AKAP13: variants seen among roughly 807,000 people sequenced by gnomAD.
AKAP13 encodes A-kinase anchoring protein 13, also known as A-kinase anchor protein 13.
A neutral mutation model predicts 264.5 loss-of-function variants in AKAP13; 80 were observed. The observed-to-expected ratio is 0.30, with a 90% CI of 0.25 to 0.36. The LOEUF (loss-of-function observed/expected upper bound fraction) is 0.36, where lower values mean the gene tolerates loss of function less well. Ranked by LOEUF, AKAP13 falls within the 10% of genes least tolerant of loss-of-function variation. AKAP13 has a pLI of 1.00. For synonymous variants in AKAP13, 1,380 were observed against 1,250.2 expected (o/e 1.10, Z -2.19); for missense variants, 3,712 against 3,435.2 (o/e 1.08, Z -2.01).
At chr15:85,636,789 A>G (rs1389444235) in intron 8 of AKAP13, among the ~76,000 whole-genome samples, 4 of 151,686 alleles carry the variant, frequency 2.6e-5, no homozygotes, top group African/African-American at 9.7e-5. Context: ...TGATTTTTGT[A>G]TTTTCAGTAG....
At chr15:85,682,851 G>A (rs2084672225) in intron 15 of AKAP13, among the ~76,000 whole-genome samples, 1 of 152,060 alleles carries the variant, frequency 6.6e-6, no homozygotes, top group Non-Finnish European at 1.5e-5. Flanking sequence ...ATTTTTAGTA[G>A]GGATGGGGTT....
In AKAP13 at chr15:85,502,200, A is replaced by G. The variant is rs1596348702; in HGVS notation, c.33+16447A>G. On this transcript the variant is annotated intron_variant, in intron 2 of 36. Coordinates refer to ENST00000394518, the MANE Select transcript of AKAP13 (RefSeq NM_007200.5). ...AGAAAGTGTATGTGCTTAGGAGTCA[A>G]GTAGACACAGCTTTACATTCCTGCC... 2.6e-5 allele frequency among the ~76,000 whole-genome samples: 4 copies of G among 152,328 alleles called. 1 individual carries two copies. The Middle Eastern group carries it at 0.014, about 518-fold the overall frequency.
At chr15:85,685,757 C>T (rs1483282414) in intron 16 of AKAP13, among the ~76,000 whole-genome samples, 1 of 151,974 alleles carries the variant, frequency 6.6e-6, no homozygotes, top group African/African-American at 2.4e-5. Context: ...CTTCCGAAGC[C>T]CTGGGTGTGA....
intron 13 of AKAP13, among the ~76,000 whole-genome samples, chr15:85,665,774 C>T (rs143822906): frequency 6.0e-4 from 91 of 152,186 alleles, no homozygotes; most frequent in African/African-American, 2.0e-3. Context: ...TGAGAACATG[C>T]GGTGTTTGGT....
At chr15:85,396,868 G>C (rs2071137983) in intron 1 of AKAP13, among the ~76,000 whole-genome samples, 2 of 142,864 alleles carry the variant, frequency 1.4e-5, no homozygotes, top group African/African-American at 5.2e-5. Flanking sequence ...TTACTGATCT[G>C]TGCAGTTTTT....
At chr15:85,652,475 TTG>T (rs2082901427) in intron 10 of AKAP13, among the ~76,000 whole-genome samples, 1 of 152,240 alleles carries the variant, frequency 6.6e-6, no homozygotes, top group South Asian at 2.1e-4. Context: ...GAAGTCTTTT[TTG>T]TGTGTTTTAG....
At chr15:85,583,502 G>T (rs951695232) in intron 7 of AKAP13, among the ~76,000 whole-genome samples, 2 of 152,146 alleles carry the variant, frequency 1.3e-5, no homozygotes, top group African/African-American at 4.8e-5. Context: ...GGATTTAAAT[G>T]AGGTCTCTAA....
chr15:85,536,569 C>T (rs1184532622), intron 4 of AKAP13: 1 of 152,178 alleles, frequency 6.6e-6, no homozygotes, highest in Non-Finnish European at 1.5e-5. Flanking sequence ...CTGGAAATAA[C>T]CCAGATTTCC....
chr15:85,520,795 T>G, intron 2 of AKAP13: 1 of 496,064 alleles, frequency 2.0e-6, no homozygotes, highest in African/African-American at 2.0e-5. Context: ...TTCTGAGAAA[T>G]GTGGTATTAG....
At chr15:85,411,990 A>G (rs7169186) in intron 1 of AKAP13, among the ~76,000 whole-genome samples, 1 of 151,978 alleles carries the variant, frequency 6.6e-6, no homozygotes, top group Non-Finnish European at 1.5e-5. Context: ...TTTATGAGTA[A>G]AGTAATGATA....
intron 1 of AKAP13, among the ~76,000 whole-genome samples, chr15:85,421,969 C>T (rs1250201714): frequency 1.3e-5 from 2 of 152,190 alleles, no homozygotes; most frequent in Non-Finnish European, 2.9e-5. Flanking sequence ...AACTCACTGC[C>T]TGGCACTTAA....
At chr15:85,390,467 T>G (rs1019935516) in intron 1 of AKAP13, among the ~76,000 whole-genome samples, 4 of 151,932 alleles carry the variant, frequency 2.6e-5, no homozygotes, top group Admixed American at 2.0e-4. Flanking sequence ...CTGGAATGGG[T>G]GAGAAAGAGC....
At chr15:85,486,462 T>G (rs912874080) in intron 2 of AKAP13, among the ~76,000 whole-genome samples, 1 of 152,208 alleles carries the variant, frequency 6.6e-6, no homozygotes, top group African/African-American at 2.4e-5. Context: ...TTTTTTCTTT[T>G]GCATGTGGAT....
intron 8 of AKAP13, among the ~76,000 whole-genome samples, chr15:85,627,241 T>TA (rs1216155269): frequency 6.6e-6 from 1 of 152,154 alleles, no homozygotes; most frequent in Non-Finnish European, 1.5e-5. Context: ...TTGCAGGACA[T>TA]ATTGTTATTT....
At position 85,524,788 on chromosome 15, in the gene AKAP13, T is replaced by G. The variant is rs562460677; in HGVS notation, c.181+3213T>G. Among the ~76,000 whole-genome samples, 10 of 152,122 alleles carry G rather than the reference T, an allele frequency of 6.6e-5. No homozygotes were observed. In the East Asian group the frequency reaches 1.5e-3, roughly 24 times the overall value. ...CCCATCTCAGTTTTCTCTCTTTTTT[T>G]TGCGTGTTTTGTAATAAGTCCTACA... On this transcript the variant is annotated intron_variant, in intron 3 of 36. Coordinates refer to ENST00000394518, the MANE Select transcript of AKAP13 (RefSeq NM_007200.5).
At chr15:85,556,552 C>T (rs2078155666) in intron 5 of AKAP13, among the ~76,000 whole-genome samples, 1 of 152,176 alleles carries the variant, frequency 6.6e-6, no homozygotes, top group South Asian at 2.1e-4. Context: ...AGTGTTTTCT[C>T]ACCCCTCCAA....
chr15:85,520,498 CAAAAA>C (rs71468111), intron 2 of AKAP13, among the ~76,000 whole-genome samples: 1 of 71,294 alleles, frequency 1.4e-5, no homozygotes, highest in Non-Finnish European at 3.0e-5. Context: ...AACTCCGTCT[CAAAAA>C]AAAAAAAAAA....
At chr15:85,442,151 C>A (rs1355596591) in intron 1 of AKAP13, among the ~76,000 whole-genome samples, 1 of 151,794 alleles carries the variant, frequency 6.6e-6, no homozygotes, top group African/African-American at 2.4e-5. Flanking sequence ...GTGGCTCATG[C>A]CTGTAATCCC....
At chr15:85,495,646 A>G (rs372675936) in intron 2 of AKAP13, among the ~76,000 whole-genome samples, 35 of 152,210 alleles carry the variant, frequency 2.3e-4, no homozygotes, top group Admixed American at 2.3e-3. Flanking sequence ...GCATGCTCGA[A>G]GGTAATATAT....
Sources: gnomAD v4.1 joint callset for allele counts (sites outside exome capture counted in the v4.1 genomes callset) on GRCh38, gnomAD v4.1.1 for gene constraint, MANE v1.5 for transcripts, NCBI Gene and HGNC (gene_info 2026-07-23, HGNC 2026-07-21) for gene names.